The following C10orf67 variants were observed in gnomAD, a reference collection of about 807,000 sequenced individuals.
C10orf67 encodes uncharacterized protein C10orf67, mitochondrial.
A neutral mutation model predicts 35.6 loss-of-function variants in C10orf67; 60 were observed. That is an observed-to-expected ratio of 1.68 (90% CI 1.37 to 2.09). The LOEUF is 2.09. Ranked by LOEUF, C10orf67 falls within the 30% of genes most tolerant of loss-of-function variation. C10orf67 has a pLI of 0.00. For synonymous variants in C10orf67, 167 were observed against 115.8 expected (o/e 1.44, Z -2.84); for missense variants, 474 against 330.2 (o/e 1.44, Z -3.38).
chr10:23,285,736 G>C (rs1287887940), intron 7 of C10orf67, among the ~76,000 whole-genome samples: 1 of 152,182 alleles, frequency 6.6e-6, no homozygotes, highest in Admixed American at 6.5e-5. Flanking sequence ...ACATATCCAA[G>C]TTATCAAAAA....
chr10:23,327,608 C>G (rs371781848), intron 2 of C10orf67, among the ~76,000 whole-genome samples: 1 of 152,086 alleles, frequency 6.6e-6, no homozygotes, highest in Non-Finnish European at 1.5e-5. Flanking sequence ...AGGCAGATCA[C>G]GAGGTCAGGA....
intron 15 of C10orf67, among the ~76,000 whole-genome samples, chr10:23,223,053 G>T (rs1200324178): frequency 6.6e-6 from 1 of 151,522 alleles, no homozygotes; most frequent in Non-Finnish European, 1.5e-5. Flanking sequence ...TCCAACTAAG[G>T]CAGTCTCTGG....
chr10:23,235,490 T>C (rs1002672800), intron 13 of C10orf67, among the ~76,000 whole-genome samples: 2 of 152,158 alleles, frequency 1.3e-5, no homozygotes, highest in African/African-American at 4.8e-5. Flanking sequence ...CAGTTAAAAA[T>C]TGACAAAAAT....
chr10:23,318,139 A>G (rs1280063500), intron 4 of C10orf67: 1 of 78,832 alleles, frequency 1.3e-5, no homozygotes, highest in Non-Finnish European at 2.2e-5. Context: ...AAAAATAAAA[A>G]GCAAAACAAA....
chr10:23,242,286 G>A (rs1564468378), intron 12 of C10orf67, among the ~76,000 whole-genome samples: 1 of 151,892 alleles, frequency 6.6e-6, no homozygotes, highest in Non-Finnish European at 1.5e-5. Context: ...ATTATTAATT[G>A]GCTGAAAAAA....
At chr10:23,229,046 A>G (rs898047728) in intron 13 of C10orf67, among the ~76,000 whole-genome samples, 1 of 152,264 alleles carries the variant, frequency 6.6e-6, no homozygotes, top group Non-Finnish European at 1.5e-5. Context: ...AGGATCTAGA[A>G]CTAGAAATAC....
intron 2 of C10orf67, among the ~76,000 whole-genome samples, chr10:23,322,796 T>C (rs1197186532): frequency 2.0e-5 from 3 of 152,066 alleles, no homozygotes; most frequent in Admixed American, 6.6e-5. Flanking sequence ...AGTTTACCTA[T>C]GTAACAAACC....
intron 2 of C10orf67, among the ~76,000 whole-genome samples, chr10:23,324,157 T>G (rs1265168126): frequency 6.6e-6 from 1 of 150,880 alleles, no homozygotes; most frequent in Admixed American, 6.6e-5. Context: ...TCTGGTGGGG[T>G]GGCTTCACCA....
intron 10 of C10orf67, among the ~76,000 whole-genome samples, chr10:23,261,821 T>C (rs1842757754): frequency 6.6e-6 from 1 of 152,120 alleles, no homozygotes; most frequent in South Asian, 2.1e-4. Context: ...AGAATTTTAA[T>C]AGGATCAATT....
Position 23,214,022 on chromosome 10 carries a change from C to T in C10orf67, c.1570+9576G>A, listed in dbSNP as rs539700598. On this transcript the variant is annotated intron_variant, in intron 15 of 15. Transcript: ENST00000636213. Reference sequence around the variant, plus strand: ...TGAAAAAGATACAATGCAAATACTACTAATATGAAAGCTATTATAATGTTA... The same window carrying T: ...TGAAAAAGATACAATGCAAATACTATTAATATGAAAGCTATTATAATGTTA... 1.6e-4 allele frequency among the ~76,000 whole-genome samples: 24 copies of T among 151,152 alleles called. No individual in the cohort carries two copies. The South Asian group carries it at 4.2e-3, about 27-fold the overall frequency.
At chr10:23,313,714 G>A (rs1419109769) in intron 4 of C10orf67, among the ~76,000 whole-genome samples, 1 of 152,142 alleles carries the variant, frequency 6.6e-6, no homozygotes, top group Admixed American at 6.5e-5. Context: ...AGCAGGCGAC[G>A]GCCCAGTATT....
chr10:23,224,990 C>T lies in C10orf67; in HGVS notation c.1435-1172G>A, dbSNP rs1342017538. On this transcript the variant is annotated intron_variant, in intron 13 of 15. Coordinates refer to ENST00000636213, the MANE Select transcript of C10orf67 (RefSeq NM_001371909.1). The stretch of plus-strand genomic sequence containing the variant: ...ACTTCCCCAACCTAGCAAGGCAGGC[C>T]GACATTCAAATTCAGGAAATACAGA... Among the ~76,000 whole-genome samples the T allele has an allele frequency of 5.9e-5, 9 of 152,018 alleles. No homozygotes were observed. The East Asian group carries it at 7.7e-4, about 13-fold the overall frequency.
chr10:23,263,337 A>G (rs964897105), intron 10 of C10orf67, among the ~76,000 whole-genome samples: 8 of 152,236 alleles, frequency 5.3e-5, no homozygotes. Flanking sequence ...CTTTTCTTCA[A>G]CCATCTAGCC....
intron 5 of C10orf67, among the ~76,000 whole-genome samples, chr10:23,301,115 G>C (rs1588669167): frequency 1.3e-5 from 2 of 152,222 alleles, no homozygotes; most frequent in South Asian, 2.1e-4. Flanking sequence ...CCACTGCTTG[G>C]AGGGGGCATA....
At chr10:23,286,066 T>C (rs1430704747) in intron 7 of C10orf67, among the ~76,000 whole-genome samples, 1 of 152,138 alleles carries the variant, frequency 6.6e-6, no homozygotes, top group South Asian at 2.1e-4. Flanking sequence ...CTACCAGTGG[T>C]ATACAGACTG....
intron 7 of C10orf67, among the ~76,000 whole-genome samples, chr10:23,285,184 C>T (rs1843495134): frequency 6.6e-6 from 1 of 151,970 alleles, no homozygotes; most frequent in Non-Finnish European, 1.5e-5. Context: ...CCCAGGGGAC[C>T]TAGTTCCAAA....
At chr10:23,295,177 T>C (rs1843845030) in intron 5 of C10orf67, among the ~76,000 whole-genome samples, 1 of 152,214 alleles carries the variant, frequency 6.6e-6, no homozygotes, top group African/African-American at 2.4e-5. Context: ...GAAATTCTAA[T>C]GTGCTCTTTG....
At chr10:23,212,166 C>A (rs980806662) in intron 15 of C10orf67, among the ~76,000 whole-genome samples, 1 of 152,166 alleles carries the variant, frequency 6.6e-6, no homozygotes, top group East Asian at 1.9e-4. Context: ...GGGAGAATGT[C>A]ATCTACAGGT....
At chr10:23,320,938 A>C (rs1213376873) in intron 3 of C10orf67, 123 bp from the exon 4 acceptor site, 2 of 660,724 alleles carry the variant, frequency 3.0e-6, no homozygotes, top group African/African-American at 1.8e-5. Context: ...TGAAAACTTC[A>C]GTTCATAATC....
Sources: gnomAD v4.1 joint callset for allele counts (sites outside exome capture counted in the v4.1 genomes callset) on GRCh38, gnomAD v4.1.1 for gene constraint, MANE v1.5 for transcripts, NCBI Gene and HGNC (gene_info 2026-07-23, HGNC 2026-07-21) for gene names.